LDLRAD4: variants seen among roughly 807,000 people sequenced by gnomAD.
LDLRAD4 encodes the protein low density lipoprotein receptor class A domain containing 4.
LDLRAD4 carries 5 observed loss-of-function variants against 17.0 expected under a neutral mutation model. The observed-to-expected ratio is 0.29, with a 90% CI of 0.15 to 0.62. The LOEUF (loss-of-function observed/expected upper bound fraction) is 0.62, where lower values mean the gene tolerates loss of function less well. Ranked by LOEUF, LDLRAD4 falls within the 20% of genes least tolerant of loss-of-function variation. The probability of loss-of-function intolerance (pLI) is 0.84; values close to 1 mark genes in which losing one functional copy is unlikely to be tolerated. For synonymous variants in LDLRAD4, 168 were observed against 171.8 expected (o/e 0.98, Z 0.17); for missense variants, 340 against 424.7 (o/e 0.80, Z 1.75).
intron 3 of LDLRAD4, among the ~76,000 whole-genome samples, chr18:13,601,690 G>A (rs569672164): frequency 2.0e-5 from 3 of 151,810 alleles, no homozygotes; most frequent in South Asian, 4.2e-4. Flanking sequence ...AAAGAAAAGG[G>A]AACACTTACA....
intron 4 of LDLRAD4, among the ~76,000 whole-genome samples, chr18:13,626,722 C>A (rs141518827): frequency 6.6e-6 from 1 of 152,362 alleles, no homozygotes; most frequent in Non-Finnish European, 1.5e-5. Context: ...CAGGCCCCAC[C>A]CAGCACAGCT....
At chr18:13,461,203 G>A (rs1014023172) in intron 3 of LDLRAD4, 4 of 152,436 alleles carry the variant, frequency 2.6e-5, no homozygotes, top group Non-Finnish European at 5.9e-5. Context: ...CGCGTGCTGG[G>A]CTAGTACAGA....
chr18:13,373,818 T>C (rs547253545), intron 1 of LDLRAD4, among the ~76,000 whole-genome samples: 49 of 152,336 alleles, frequency 3.2e-4, no homozygotes, highest in African/African-American at 1.1e-3. Flanking sequence ...ACTTTTACCT[T>C]GTACATTTTC....
At chr18:13,468,549 A>G (rs1326048485) in intron 3 of LDLRAD4, among the ~76,000 whole-genome samples, 1 of 152,136 alleles carries the variant, frequency 6.6e-6, no homozygotes, top group East Asian at 1.9e-4. Flanking sequence ...ACACATGCAC[A>G]TGTATGTTTA....
chr18:13,292,966 G>A (rs1415743487), intron 1 of LDLRAD4, among the ~76,000 whole-genome samples: 1 of 152,224 alleles, frequency 6.6e-6, no homozygotes, highest in Non-Finnish European at 1.5e-5. Flanking sequence ...GCGAGGTCTT[G>A]GAGAGAATGC....
intron 2 of LDLRAD4, among the ~76,000 whole-genome samples, chr18:13,415,968 C>T (rs562252067): frequency 2.9e-4 from 44 of 152,322 alleles, no homozygotes; most frequent in Admixed American, 5.2e-4. Context: ...TTCATCTCTG[C>T]GGTGACTTGC....
chr18:13,557,233 G>T (rs139864342), intron 3 of LDLRAD4, among the ~76,000 whole-genome samples: 1 of 152,236 alleles, frequency 6.6e-6, no homozygotes, highest in African/African-American at 2.4e-5. Context: ...AGGAGTTCAA[G>T]CTTACAGTGA....
At chr18:13,584,075 G>A (rs558684266) in intron 3 of LDLRAD4, among the ~76,000 whole-genome samples, 25 of 152,270 alleles carry the variant, frequency 1.6e-4, no homozygotes, top group African/African-American at 5.8e-4. Context: ...CCGAAGCCAC[G>A]TTGCCTCCCA....
chr18:13,479,544 C>T (rs2146920626), intron 3 of LDLRAD4, among the ~76,000 whole-genome samples: 1 of 152,172 alleles, frequency 6.6e-6, no homozygotes, highest in African/African-American at 2.4e-5. Context: ...TCGCTTGAAC[C>T]CGGGAGGCGG....
chr18:13,257,590 A>G (rs2043575947), intron 1 of LDLRAD4, among the ~76,000 whole-genome samples: 1 of 152,184 alleles, frequency 6.6e-6, no homozygotes, highest in South Asian at 2.1e-4. Flanking sequence ...CCTGGATGTG[A>G]GACACTGAGT....
chr18:13,387,924 A>G (rs2085948993), intron 2 of LDLRAD4, among the ~76,000 whole-genome samples, 162 bp downstream of exon 3: 1 of 152,126 alleles, frequency 6.6e-6, no homozygotes, highest in Admixed American at 6.5e-5. Context: ...CAAAATAATA[A>G]TGTGTTTTCC....
chr18:13,346,508 A>G (rs564007177), intron 1 of LDLRAD4, among the ~76,000 whole-genome samples: 73 of 152,236 alleles, frequency 4.8e-4, no homozygotes, highest in African/African-American at 1.5e-3. Context: ...TATGTGGTCA[A>G]TTTTGGAATA....
At chr18:13,343,545 G>A (rs531675772) in intron 1 of LDLRAD4, among the ~76,000 whole-genome samples, 6 of 152,176 alleles carry the variant, frequency 3.9e-5, no homozygotes, top group Admixed American at 2.0e-4. Context: ...ATAAACATAC[G>A]TGTGCGTGTG....
chr18:13,386,050 C>T (rs2085772594), intron 1 of LDLRAD4, among the ~76,000 whole-genome samples: 1 of 152,192 alleles, frequency 6.6e-6, no homozygotes, highest in Non-Finnish European at 1.5e-5. Flanking sequence ...TGTTACTTCA[C>T]TACCTTCTGT....
chr18:13,508,475 G>A (rs980120347), intron 3 of LDLRAD4, among the ~76,000 whole-genome samples: 15 of 152,306 alleles, frequency 9.8e-5, no homozygotes, highest in Middle Eastern at 6.8e-3. Flanking sequence ...AAGCTTCAAA[G>A]GACAGGCTAA....
At chr18:13,600,144 C>T (rs1568389666) in intron 3 of LDLRAD4, among the ~76,000 whole-genome samples, 1 of 152,158 alleles carries the variant, frequency 6.6e-6, no homozygotes, top group Non-Finnish European at 1.5e-5. Flanking sequence ...TAATAATATG[C>T]TTGCCTCAAA....
At chr18:13,302,730 C>T (rs908653971) in intron 1 of LDLRAD4, among the ~76,000 whole-genome samples, 1 of 152,202 alleles carries the variant, frequency 6.6e-6, no homozygotes, top group Non-Finnish European at 1.5e-5. Flanking sequence ...TGCTGTTACA[C>T]GCAGTTATGG....
intron 1 of LDLRAD4, among the ~76,000 whole-genome samples, chr18:13,335,822 C>T (rs184603833): frequency 5.9e-5 from 9 of 152,258 alleles, no homozygotes; most frequent in East Asian, 5.8e-4. Context: ...TGAAGAAATA[C>T]GTGGCTAGTT....
intron 1 of LDLRAD4, chr18:13,240,913 T>G (rs964172081): frequency 6.6e-6 from 1 of 152,346 alleles, no homozygotes; most frequent in Non-Finnish European, 1.5e-5. Context: ...GAGGCGGGCT[T>G]TTTTTTTCTT....
Sources: gnomAD v4.1 joint callset for allele counts (sites outside exome capture counted in the v4.1 genomes callset) on GRCh38, gnomAD v4.1.1 for gene constraint, MANE v1.5 for transcripts, NCBI Gene and HGNC (gene_info 2026-07-23, HGNC 2026-07-21) for gene names.